MGAT5: variants seen among roughly 807,000 people sequenced by gnomAD.
MGAT5 encodes the protein alpha-1,6-mannosylglycoprotein 6-beta-N-acetylglucosaminyltransferase A.
In MGAT5, 30 loss-of-function variants were observed where a neutral mutation model predicts 94.3. The observed-to-expected ratio is 0.32, with a 90% CI of 0.24 to 0.43. MGAT5 has a LOEUF of 0.43. Among genes scored for constraint, MGAT5 ranks in the 20% least tolerant of loss-of-function variants. The probability of loss-of-function intolerance (pLI) is 1.00; values close to 1 mark genes in which losing one functional copy is unlikely to be tolerated. For synonymous variants in MGAT5, 310 were observed against 322.9 expected, an observed-to-expected ratio of 0.96 and a Z score of 0.43; for missense variants, 691 against 905.5, an observed-to-expected ratio of 0.76 and a Z score of 3.04.
At chr2:134,422,969 G>A (rs759101831) in intron 13 of MGAT5, 50 bp downstream of exon 13, 5 of 1,388,964 alleles carry the variant, frequency 3.6e-6, no homozygotes, top group Non-Finnish European at 4.1e-6. Context: ...GACCTGAAAT[G>A]TGTATAAAAC....
chr2:134,132,222 G>C (rs1482421808), intron 1 of MGAT5, among the ~76,000 whole-genome samples: 1 of 152,166 alleles, frequency 6.6e-6, no homozygotes, highest in Admixed American at 6.5e-5. Flanking sequence ...CTTGGCCATT[G>C]TATCTGCCCC....
intron 1 of MGAT5, among the ~76,000 whole-genome samples, chr2:134,263,654 A>C (rs1683476980): frequency 1.3e-5 from 2 of 152,232 alleles, no homozygotes; most frequent in African/African-American, 2.4e-5. Context: ...AGTAAGGGTC[A>C]CTAAGATGTT....
intron 2 of MGAT5, among the ~76,000 whole-genome samples, chr2:134,293,403 C>T (rs1021371708): frequency 6.6e-6 from 1 of 152,090 alleles, no homozygotes; most frequent in Non-Finnish European, 1.5e-5. Flanking sequence ...CCCTCTTTTA[C>T]GTATGTGCCT....
chr2:134,383,970 C>T (rs1440645083), intron 10 of MGAT5, among the ~76,000 whole-genome samples: 17 of 13,142 alleles, frequency 1.3e-3, no homozygotes, highest in South Asian at 8.8e-3. Flanking sequence ...TCAGCCACCG[C>T]GCCTGGCCGC....
At chr2:134,240,357 GTT>G (rs11316083) in intron 1 of MGAT5, among the ~76,000 whole-genome samples, 84,037 of 146,736 alleles carry the variant, frequency 0.57, 27,260 homozygotes, top group Non-Finnish European at 0.74. Context: ...AAATGAAAGT[GTT>G]TTTTTTTTTT....
At chr2:134,172,102 C>A (rs989052050) in intron 1 of MGAT5, among the ~76,000 whole-genome samples, 2 of 152,078 alleles carry the variant, frequency 1.3e-5, no homozygotes, top group African/African-American at 4.8e-5. Flanking sequence ...TTACTTCATT[C>A]AATCATTATC....
At chr2:134,337,762 G>A (rs1226437175) in intron 5 of MGAT5, among the ~76,000 whole-genome samples, 1 of 152,092 alleles carries the variant, frequency 6.6e-6, no homozygotes, top group Non-Finnish European at 1.5e-5. Flanking sequence ...ATGAATTTTT[G>A]TTTGGACTGG....
At chr2:134,123,268 G>A (rs896750042) in intron 1 of MGAT5, among the ~76,000 whole-genome samples, 5 of 152,152 alleles carry the variant, frequency 3.3e-5, no homozygotes, top group Non-Finnish European at 7.3e-5. Flanking sequence ...CATTCTAGTT[G>A]TCACTCTGAC....
At chr2:134,352,208 A>C (rs1303081025) in intron 9 of MGAT5, among the ~76,000 whole-genome samples, 1 of 152,168 alleles carries the variant, frequency 6.6e-6, no homozygotes, top group African/African-American at 2.4e-5. Flanking sequence ...ATATGAATCT[A>C]TCCCAAAGAT....
chr2:134,202,341 G>A (rs904166338), intron 1 of MGAT5, among the ~76,000 whole-genome samples: 2 of 152,234 alleles, frequency 1.3e-5, no homozygotes, highest in East Asian at 3.8e-4. Context: ...TATAAAAGAA[G>A]CTGCAGGGAT....
At chr2:134,288,721 A>T (rs975829755) in intron 2 of MGAT5, among the ~76,000 whole-genome samples, 1 of 152,146 alleles carries the variant, frequency 6.6e-6, no homozygotes, top group Non-Finnish European at 1.5e-5. Flanking sequence ...TGTGAGTGTA[A>T]TACCTCTGTC....
intron 1 of MGAT5, among the ~76,000 whole-genome samples, chr2:134,192,451 G>T (rs1169045643): frequency 6.6e-6 from 1 of 152,134 alleles, no homozygotes; most frequent in African/African-American, 2.4e-5. Flanking sequence ...AAACAGGTAT[G>T]TAGGCATCCT....
At chr2:134,298,835 G>A (rs1185619859) in intron 2 of MGAT5, among the ~76,000 whole-genome samples, 1 of 152,150 alleles carries the variant, frequency 6.6e-6, no homozygotes, top group Non-Finnish European at 1.5e-5. Flanking sequence ...GGCTGGTTGA[G>A]TGTTCTGTAT....
At chr2:134,221,348 A>T (rs1045407938) in intron 1 of MGAT5, among the ~76,000 whole-genome samples, 1 of 152,222 alleles carries the variant, frequency 6.6e-6, no homozygotes. Context: ...CTGGTTGACA[A>T]TTGGTTGAGT....
chr2:134,191,937 G>C (rs1350110296), intron 1 of MGAT5, among the ~76,000 whole-genome samples: 1 of 145,516 alleles, frequency 6.9e-6, no homozygotes, highest in African/African-American at 2.6e-5. Context: ...ATGGAAGGGT[G>C]GATTCGTGCC....
In MGAT5 at chr2:134,451,268, A is replaced by T. The variant is rs1686093959; in HGVS notation, c.*2421A>T. 6.6e-6 allele frequency: 1 copy of T among 152,276 alleles called. No homozygotes were observed. Among genetic ancestry groups the T allele is most frequent in the South Asian group, 2.1e-4 (1 of 4,824 alleles). The allele number at this position is 152,276 out of a possible 1,614,324, so 9.4% of individuals were successfully genotyped here. On this transcript the variant is annotated 3_prime_UTR_variant, in exon 16 of 16. Coordinates refer to ENST00000281923, the MANE Select transcript of MGAT5 (RefSeq NM_002410.5). ...CCGCCCTGCCCGGGCCAGACAGCCC[A>T]GAAGAACACTTTTCTGCCATTTAAA...
At chr2:134,310,047 T>C (rs1343520564) in intron 2 of MGAT5, among the ~76,000 whole-genome samples, 1 of 152,214 alleles carries the variant, frequency 6.6e-6, no homozygotes, top group East Asian at 1.9e-4. Context: ...TGAAAAGCTA[T>C]ACATAGAGAA....
chr2:134,383,808 A>G (rs1353715794), intron 10 of MGAT5, among the ~76,000 whole-genome samples: 2 of 150,712 alleles, frequency 1.3e-5, no homozygotes, highest in Non-Finnish European at 1.5e-5. Flanking sequence ...GGTTCACACC[A>G]TTCTCCTGCC....
At chr2:134,357,662 G>A (rs779671315) in intron 9 of MGAT5, among the ~76,000 whole-genome samples, 10 of 152,254 alleles carry the variant, frequency 6.6e-5, no homozygotes, top group Admixed American at 1.3e-4. Flanking sequence ...GATCAGCCTC[G>A]TGGTTCCTTC....
Sources: gnomAD v4.1 joint callset for allele counts (sites outside exome capture counted in the v4.1 genomes callset) on GRCh38, gnomAD v4.1.1 for gene constraint, MANE v1.5 for transcripts, NCBI Gene and HGNC (gene_info 2026-07-23, HGNC 2026-07-21) for gene names.